Variants in PSMD1 observed in about 807,000 individuals in gnomAD.
The protein encoded by PSMD1 is proteasome 26S subunit, non-ATPase 1.
A neutral mutation model predicts 119.0 loss-of-function variants in PSMD1; 18 were observed. The ratio of observed to expected loss-of-function variants is 0.15; its 90% CI spans 0.10 to 0.22. PSMD1 has a LOEUF of 0.22. Ranked by LOEUF, PSMD1 falls within the 10% of genes least tolerant of loss-of-function variation. PSMD1 has a pLI of 1.00. For missense variants in PSMD1, 702 were observed against 1,158.5 expected, an observed-to-expected ratio of 0.61 and a Z score of 5.72; for synonymous variants, 374 against 396.6, an observed-to-expected ratio of 0.94 and a Z score of 0.68.
chr2:231,119,034 TA>T (rs1695441554), intron 16 of PSMD1, among the ~76,000 whole-genome samples: 1 of 152,260 alleles, frequency 6.6e-6, no homozygotes, highest in African/African-American at 2.4e-5. Flanking sequence ...TTTTGTTTTT[TA>T]CTTTTTTCAC....
chr2:231,093,664 A>T (rs1341409535), intron 16 of PSMD1, among the ~76,000 whole-genome samples: 1 of 152,200 alleles, frequency 6.6e-6, no homozygotes, highest in South Asian at 2.1e-4. Flanking sequence ...AGGTTTTAGC[A>T]AAGTGCTTTT....
intron 17 of PSMD1, among the ~76,000 whole-genome samples, chr2:231,139,926 A>G (rs1490490429): frequency 3.9e-5 from 6 of 152,238 alleles, no homozygotes; most frequent in Non-Finnish European, 8.8e-5. Context: ...ACAAGTATTC[A>G]TAATTCACAG....
rs748983923 is a variant in PSMD1, at chr2:231,085,051, T to C, written c.1755T>C (p.Thr585=). The change falls in exon 15 of 25, where the codon ACT becomes ACC. Residue 585 remains threonine, a synonymous_variant. Transcript: ENST00000308696. ...TTCTTCGAAGGTCTGGAATGTATAC[T>C]GTAGCCATGGCTTATTGTGGCTCTG... is the stretch of plus-strand genomic sequence containing the variant. ...DPILRRSGMY[T]VAMAYCGSGN... 1.2e-6 allele frequency: 2 copies of C among 1,614,016 alleles called. No individual in the cohort carries two copies. Among genetic ancestry groups the C allele is most frequent in the Admixed American group, 3.3e-5 (2 of 60,018 alleles).
At chr2:231,079,505 A>G in intron 10 of PSMD1, 31 bp from the exon 11 acceptor site, 3 of 1,456,112 alleles carry the variant, frequency 2.1e-6, no homozygotes, top group Admixed American at 1.8e-5. Flanking sequence ...TTGTTTTAAC[A>G]CTAATTAAAA....
chr2:231,130,643 A>T lies in PSMD1; in HGVS notation c.1884-8093A>T, dbSNP rs565800667. ...CGGCTAATTTTTGTATTTTTTGTAG[A>T]GATGGGGTTTCGCGGGAATGCCAAG... On this transcript the variant is annotated intron_variant, in intron 16 of 24. Transcript: ENST00000308696. Among the ~76,000 whole-genome samples the T allele has an allele frequency of 1.2e-4, 19 of 152,172 alleles. No homozygotes were observed. In the South Asian group the frequency reaches 3.9e-3, roughly 32 times the overall value.
intron 4 of PSMD1, 24 bp from the exon 5 acceptor site, chr2:231,066,882 T>C: frequency 6.5e-7 from 1 of 1,543,362 alleles, no homozygotes; most frequent in Non-Finnish European, 8.7e-7. Context: ...TACAAGATAA[T>C]CAGTTATTTT....
At chr2:231,109,984 A>G (rs1695099853) in intron 16 of PSMD1, among the ~76,000 whole-genome samples, 2 of 152,204 alleles carry the variant, frequency 1.3e-5, no homozygotes, top group Admixed American at 1.3e-4. Context: ...AGTGTGTGTG[A>G]ATCATGATGT....
intron 16 of PSMD1, chr2:231,123,689 C>G (rs764960723): frequency 1.2e-6 from 2 of 1,614,038 alleles, no homozygotes; most frequent in Admixed American, 1.7e-5. Context: ...GAAGAGATAA[C>G]GTGAACAAAG....
In PSMD1 at chr2:231,109,115, A is replaced by G. The variant is rs370382293; in HGVS notation, c.1883+21934A>G. On this transcript the variant is annotated intron_variant, in intron 16 of 24. Transcript: ENST00000308696. ...CTTGTCCTTTCGAGAACCATCCAGC[A>G]TTGCCACCTTTTCCGGTGACGAGCA... 4.1e-5 allele frequency: 66 copies of G among 1,614,022 alleles called. No homozygotes were observed. In the Middle Eastern group the frequency reaches 6.6e-4, roughly 16 times the overall value.
Position 231,111,865 on chromosome 2 carries a change from G to A in PSMD1, c.1883+24684G>A, listed in dbSNP as rs80351650. On this transcript the variant is annotated intron_variant, in intron 16 of 24. Transcript: ENST00000308696. The stretch of plus-strand genomic sequence containing the variant: ...TCTCCTGCATCACTCATCACTTTGT[G>A]TTAGTGTAATTTGTTTATATGTCCG... Among the ~76,000 whole-genome samples, 513 of 152,272 alleles carry A rather than the reference G, an allele frequency of 3.4e-3. 4 individuals are homozygous for A. Among genetic ancestry groups the A allele is most frequent in the African/African-American group, 0.012 (493 of 41,550 alleles).
At chr2:231,059,136 A>G (rs1027830784) in intron 1 of PSMD1, among the ~76,000 whole-genome samples, 2 of 152,232 alleles carry the variant, frequency 1.3e-5, no homozygotes, top group Non-Finnish European at 2.9e-5. Flanking sequence ...CTTGGTGACA[A>G]TATAATAGAC....
intron 20 of PSMD1, 142 bp downstream of exon 20, chr2:231,161,651 G>C: frequency 4.1e-6 from 4 of 970,808 alleles, no homozygotes; most frequent in Non-Finnish European, 6.1e-6. Context: ...AAGTTGAATC[G>C]TCACCTTTTT....
At position 231,067,114 on chromosome 2, in the gene PSMD1, A is replaced by G. The variant is rs755841059; in HGVS notation, c.510+3A>G. The G allele has an allele frequency of 1.3e-5, 21 of 1,570,770 alleles. No individual in the cohort carries two copies. Among genetic ancestry groups the G allele is most frequent in the Non-Finnish European group, 5.2e-6 (6 of 1,162,756 alleles). On this transcript the variant is annotated splice_donor_region_variant and intron_variant, in intron 5 of 24. Coordinates refer to ENST00000308696, the MANE Select transcript of PSMD1 (RefSeq NM_002807.4). ...TTGAAAAGACCATACTGGAGTCGGT[A>G]GGTAGATGATGTTATTTTAGAAATT...
At chr2:231,115,881 T>C (rs1400104738) in intron 16 of PSMD1, among the ~76,000 whole-genome samples, 2 of 152,158 alleles carry the variant, frequency 1.3e-5, no homozygotes, top group African/African-American at 4.8e-5. Flanking sequence ...TATCAGACTC[T>C]GCAGTTAAAT....
At chr2:231,147,675 G>A (rs77882142) in intron 18 of PSMD1, among the ~76,000 whole-genome samples, 3,382 of 152,158 alleles carry the variant, frequency 0.022, 138 homozygotes, top group African/African-American at 0.077. Context: ...AAATAGACAC[G>A]TGTAGCTTAC....
chr2:231,116,421 C>T (rs1695336240), intron 16 of PSMD1, among the ~76,000 whole-genome samples: 2 of 152,046 alleles, frequency 1.3e-5, no homozygotes, highest in South Asian at 4.1e-4. Flanking sequence ...GAAGTCCTTA[C>T]TCTCTCTGTA....
At chr2:231,084,212 C>G (rs1694379898) in intron 14 of PSMD1, among the ~76,000 whole-genome samples, 1 of 152,014 alleles carries the variant, frequency 6.6e-6, no homozygotes, top group Non-Finnish European at 1.5e-5. Context: ...ATTAGCCAGG[C>G]TTGGTGGCGG....
At chr2:231,138,925 C>A in intron 17 of PSMD1, 75 bp downstream of exon 17, 1 of 1,090,452 alleles carries the variant, frequency 9.2e-7, no homozygotes, top group Non-Finnish European at 1.4e-6. Context: ...ATTTATGTAA[C>A]AGCTGTAAAA....
chr2:231,159,755 T>C (rs1453858066), intron 19 of PSMD1, among the ~76,000 whole-genome samples: 1 of 152,152 alleles, frequency 6.6e-6, no homozygotes, highest in Non-Finnish European at 1.5e-5. Context: ...AGGGCAGCAG[T>C]CCACAACCTT....
Sources: gnomAD v4.1 joint callset for allele counts (sites outside exome capture counted in the v4.1 genomes callset) on GRCh38, gnomAD v4.1.1 for gene constraint, MANE v1.5 for transcripts, NCBI Gene and HGNC (gene_info 2026-07-23, HGNC 2026-07-21) for gene names.